The following THRAP3 variants were observed in gnomAD, a reference collection of about 807,000 sequenced individuals.
THRAP3 encodes the protein thyroid hormone receptor-associated protein 3.
Under a neutral mutation model 101.0 loss-of-function variants are expected in THRAP3, and 16 were observed. That is an observed-to-expected ratio of 0.16 (90% CI 0.11 to 0.24). The LOEUF (loss-of-function observed/expected upper bound fraction) is 0.24, where lower values mean the gene tolerates loss of function less well. THRAP3 is among the 10% of genes least tolerant of loss of function. The pLI, the probability that THRAP3 is intolerant of heterozygous loss-of-function variation, is 1.00. For synonymous variants in THRAP3, 407 were observed against 422.6 expected (o/e 0.96, Z 0.45); for missense variants, 989 against 1,202.7 (o/e 0.82, Z 2.63).
At chr1:36,222,491 C>T (rs1043172608), upstream of THRAP3, among the ~76,000 whole-genome samples, 15 of 151,956 alleles carry the variant, frequency 9.9e-5, no homozygotes, top group Non-Finnish European at 2.2e-4. Context: ...ACTGCAACCT[C>T]CACCTCCTGG....
At chr1:36,285,213 G>C (rs1023259259) in intron 3 of THRAP3, among the ~76,000 whole-genome samples, 5 of 152,200 alleles carry the variant, frequency 3.3e-5, no homozygotes, top group African/African-American at 9.6e-5. Context: ...GAGAAAGCCT[G>C]CTGATTAACT....
At chr1:36,259,715 A>G (rs1051390651) in intron 2 of THRAP3, among the ~76,000 whole-genome samples, 2 of 148,594 alleles carry the variant, frequency 1.3e-5, no homozygotes, top group Admixed American at 1.4e-4. Flanking sequence ...GCAGTGAACC[A>G]TGTTCATGCC....
chr1:36,288,365 C>T (rs1645823295), intron 4 of THRAP3: 7 of 983,696 alleles, frequency 7.1e-6, no homozygotes, highest in Non-Finnish European at 8.4e-6. Context: ...CCTTTGGGTC[C>T]TCATAGTGTA....
chr1:36,248,470 GA>G (rs1645258607), intron 1 of THRAP3, among the ~76,000 whole-genome samples: 1 of 136,324 alleles, frequency 7.3e-6, no homozygotes, highest in Non-Finnish European at 1.6e-5. Context: ...TTTTTTGTGA[GA>G]CAGTTTTGCT....
intron 9 of THRAP3, among the ~76,000 whole-genome samples, chr1:36,300,271 T>C (rs1646015798): frequency 6.6e-6 from 1 of 151,746 alleles, no homozygotes; most frequent in Non-Finnish European, 1.5e-5. Flanking sequence ...ATATGTGGAG[T>C]CGTGGTATAA....
At chr1:36,292,375 C>G (rs965058700) in intron 6 of THRAP3, among the ~76,000 whole-genome samples, 1 of 144,226 alleles carries the variant, frequency 6.9e-6, no homozygotes, top group Non-Finnish European at 1.5e-5. Context: ...GGGTTCACGA[C>G]ATTCTTCTGC....
chr1:36,277,117 T>TG (rs1343023231), intron 2 of THRAP3, among the ~76,000 whole-genome samples: 1 of 151,648 alleles, frequency 6.6e-6, no homozygotes, highest in Non-Finnish European at 1.5e-5. Flanking sequence ...TACAGGCGCC[T>TG]GCCACCACGC....
chr1:36,214,808 G>A, the THRAP3 span, among the ~76,000 whole-genome samples: 2 of 151,572 alleles, frequency 1.3e-5, no homozygotes, highest in Non-Finnish European at 2.9e-5. Context: ...GCAATGAGCC[G>A]AGATCACGCC....
At chr1:36,218,414 CAAAAA>C in the THRAP3 span, among the ~76,000 whole-genome samples, 5 of 40,126 alleles carry the variant, frequency 1.2e-4, no homozygotes, top group Admixed American at 1.6e-3. Flanking sequence ...GACTCTGTCT[CAAAAA>C]AAAAAAAAAA....
the THRAP3 span, among the ~76,000 whole-genome samples, chr1:36,214,006 GAAAGAAA>G: frequency 5.4e-3 from 190 of 35,092 alleles, no homozygotes; most frequent in Admixed American, 0.023. Flanking sequence ...AGGAAAGAAA[GAAAGAAA>G]GAAAGAAAGA....
chr1:36,253,337 CAGTT>C (rs1413447993), intron 1 of THRAP3, among the ~76,000 whole-genome samples: 1 of 152,092 alleles, frequency 6.6e-6, no homozygotes, highest in Non-Finnish European at 1.5e-5. Flanking sequence ...CTTAGCTGCA[CAGTT>C]AGACAGATTT....
intron 1 of THRAP3, among the ~76,000 whole-genome samples, chr1:36,232,651 A>G (rs1313900276): frequency 6.6e-6 from 1 of 152,224 alleles, no homozygotes; most frequent in Non-Finnish European, 1.5e-5. Flanking sequence ...ATGAGTTAAT[A>G]TGGGAATAAG....
At chr1:36,300,396 A>C (rs1413896355) in intron 9 of THRAP3, among the ~76,000 whole-genome samples, 1 of 152,202 alleles carries the variant, frequency 6.6e-6, no homozygotes, top group African/African-American at 2.4e-5. Context: ...CATGCCAGCT[A>C]TGTTGGTGTA....
chr1:36,282,237 T>C (rs1021756797), intron 2 of THRAP3, among the ~76,000 whole-genome samples: 15 of 75,428 alleles, frequency 2.0e-4, no homozygotes, highest in Non-Finnish European at 4.4e-4. Flanking sequence ...CTTTCTCTCT[T>C]TTTTTTTTTT....
chr1:36,269,729 C>T (rs1027426279), intron 2 of THRAP3, among the ~76,000 whole-genome samples: 11 of 151,758 alleles, frequency 7.2e-5, no homozygotes, highest in Non-Finnish European at 1.3e-4. Context: ...CACCATCATG[C>T]CCAGCTAATT....
In THRAP3 at chr1:36,289,468, G is replaced by A. The variant is rs1242960536; in HGVS notation, c.1449G>A (p.Lys483=). 12 of 1,614,108 alleles carry A rather than the reference G, an allele frequency of 7.4e-6. No homozygotes were observed. The highest frequency in any genetic ancestry group is 9.3e-6 in the Non-Finnish European group (11 of 1,180,050). ...TATATGCACCTCCAGGGAAGGAAAA[G>A]CAGAGAAAAACAGAGGAGCTGGAGG... ...GLVYAPPGKE[K]QRKTEELEEE... Residue 483 remains lysine, a synonymous_variant, in exon 5 of 12, where the codon AAG becomes AAA. Coordinates refer to ENST00000354618, the MANE Select transcript of THRAP3 (RefSeq NM_005119.4).
intron 2 of THRAP3, among the ~76,000 whole-genome samples, chr1:36,268,550 G>A (rs1054855521): frequency 6.6e-6 from 1 of 152,132 alleles, no homozygotes; most frequent in African/African-American, 2.4e-5. Flanking sequence ...CCTCCAGGCT[G>A]GAGTGCAACG....
At chr1:36,249,040 A>G (rs1219799986) in intron 1 of THRAP3, among the ~76,000 whole-genome samples, 2 of 151,496 alleles carry the variant, frequency 1.3e-5, no homozygotes, top group East Asian at 3.9e-4. Flanking sequence ...GGCATGCACC[A>G]CCACATCTGG....
chr1:36,295,883 A>G (rs900705280), intron 8 of THRAP3, among the ~76,000 whole-genome samples: 1 of 134,098 alleles, frequency 7.5e-6, no homozygotes, highest in African/African-American at 2.9e-5. Flanking sequence ...GAGCTTTTCT[A>G]CTCTTAGTGG....
Sources: allele counts gnomAD v4.1 joint callset (sites outside exome capture counted in the v4.1 genomes callset), GRCh38; gene constraint gnomAD v4.1.1; transcripts MANE v1.5; gene names NCBI Gene and HGNC (gene_info 2026-07-23, HGNC 2026-07-21).